Variants in KIAA1217 observed in about 807,000 individuals in gnomAD.
The protein encoded by KIAA1217 is KIAA1217, also known as sickle tail protein homolog.
KIAA1217 carries 88 observed loss-of-function variants against 163.9 expected under a neutral mutation model. The ratio of observed to expected loss-of-function variants is 0.54; its 90% confidence interval spans 0.45 to 0.64. The LOEUF (loss-of-function observed/expected upper bound fraction) is 0.64. KIAA1217 is among the 30% of genes least tolerant of loss of function. The pLI is 0.00. For missense variants in KIAA1217, 2,372 were observed against 2,475.0 expected, an observed-to-expected ratio of 0.96 and a Z score of 0.88; for synonymous variants, 903 against 923.1, an observed-to-expected ratio of 0.98 and a Z score of 0.39.
chr10:24,019,139 T>C (rs79435900), intron 2 of KIAA1217, among the ~76,000 whole-genome samples: 2,060 of 152,202 alleles, frequency 0.014, 40 homozygotes, highest in African/African-American at 0.047. Flanking sequence ...GCATGATGAC[T>C]ATAATTAATG....
intron 1 of KIAA1217, among the ~76,000 whole-genome samples, chr10:23,937,940 C>G (rs547213595): frequency 6.6e-6 from 1 of 152,212 alleles, no homozygotes; most frequent in Admixed American, 6.5e-5. Flanking sequence ...CCAGTCAAAA[C>G]TGAGAGGAAT....
At chr10:24,175,635 G>A (rs759819188) in intron 2 of KIAA1217, among the ~76,000 whole-genome samples, 7 of 152,154 alleles carry the variant, frequency 4.6e-5, no homozygotes, top group East Asian at 1.9e-4. Flanking sequence ...ATGGACCCTC[G>A]CGGTGAGTGT....
intron 3 of KIAA1217, among the ~76,000 whole-genome samples, chr10:24,415,272 G>A (rs2058146134): frequency 1.3e-5 from 2 of 151,812 alleles, no homozygotes; most frequent in Admixed American, 1.3e-4. Context: ...CTGCCACCAT[G>A]CCCGGTTAAT....
chr10:23,990,014 A>C (rs2131434799), intron 1 of KIAA1217, among the ~76,000 whole-genome samples: 1 of 152,316 alleles, frequency 6.6e-6, no homozygotes. Context: ...AAAGAACAGT[A>C]CTATTCTCAC....
At position 23,752,699 on chromosome 10, in the gene KIAA1217, A is replaced by G. The variant is rs565286573; in HGVS notation, c.-321+57465A>G. On this transcript the variant is annotated intron_variant, in intron 1 of 18. Coordinates refer to the KIAA1217 transcript ENST00000376462. ...TGCTTTTTACTCTTGTATCAAAGGC[A>G]TTAGTTATGACATGTTACTAATGAA... is the stretch of plus-strand genomic sequence containing the variant. Among the ~76,000 whole-genome samples the G allele has an allele frequency of 2.6e-5, 4 of 152,330 alleles. No individual in the cohort carries two copies. The South Asian group carries it at 8.3e-4, about 32-fold the overall frequency.
At chr10:24,431,452 A>G (rs1388881248) in intron 3 of KIAA1217, among the ~76,000 whole-genome samples, 1 of 152,136 alleles carries the variant, frequency 6.6e-6, no homozygotes, top group Non-Finnish European at 1.5e-5. Flanking sequence ...TGGAGGGGCC[A>G]TCTCATTTCT....
intron 1 of KIAA1217, among the ~76,000 whole-genome samples, chr10:23,996,365 T>C (rs1230899654): frequency 6.6e-6 from 1 of 152,074 alleles, no homozygotes; most frequent in Non-Finnish European, 1.5e-5. Flanking sequence ...GGATTTATGA[T>C]ATAGGAAGGA....
At position 24,303,059 on chromosome 10, in the gene KIAA1217, G is replaced by A. The variant is rs149465085; in HGVS notation, c.355-77810G>A. 1.5e-3 allele frequency among the ~76,000 whole-genome samples: 229 copies of A among 152,252 alleles called. 1 individual carries two copies. Among genetic ancestry groups the A allele is most frequent in the African/African-American group, 5.2e-3 (214 of 41,540 alleles). On this transcript the variant is annotated intron_variant, in intron 2 of 20. Coordinates refer to ENST00000376454, the MANE Select transcript of KIAA1217 (RefSeq NM_019590.5). ...AATAGGGTCTTGCTCTGTCACCCAG[G>A]CTGGAGTGCAGTGGCTCAATCATAG...
At chr10:24,061,560 T>C (rs2060722392) in intron 2 of KIAA1217, among the ~76,000 whole-genome samples, 1 of 152,226 alleles carries the variant, frequency 6.6e-6, no homozygotes, top group East Asian at 1.9e-4. Context: ...TTAGTATTTC[T>C]TGTAAGGCAG....
chr10:23,948,394 G>T (rs1589129298), intron 1 of KIAA1217, among the ~76,000 whole-genome samples: 1 of 152,134 alleles, frequency 6.6e-6, no homozygotes, highest in African/African-American at 2.4e-5. Flanking sequence ...TTCAAATTTA[G>T]GTTAGATTGA....
intron 2 of KIAA1217, among the ~76,000 whole-genome samples, chr10:24,309,054 C>T (rs1335115594): frequency 7.4e-6 from 1 of 136,016 alleles, no homozygotes; most frequent in Non-Finnish European, 1.5e-5. Context: ...ACCCAGGAGG[C>T]GGAGGTTGCA....
chr10:24,381,682 A>G (rs939294863), intron 3 of KIAA1217, among the ~76,000 whole-genome samples: 3 of 152,120 alleles, frequency 2.0e-5, no homozygotes, highest in Admixed American at 1.3e-4. Flanking sequence ...AAAATTAGGG[A>G]CCAGTGCTCT....
intron 2 of KIAA1217, among the ~76,000 whole-genome samples, chr10:24,125,205 GA>G (rs1447029010): frequency 1.3e-5 from 2 of 152,130 alleles, no homozygotes; most frequent in African/African-American, 4.8e-5. Context: ...CCGGGAGATG[GA>G]GGTTACAGTG....
chr10:24,524,176 G>A (rs968782619), intron 12 of KIAA1217, 147 bp from the exon 13 acceptor site: 3 of 722,146 alleles, frequency 4.2e-6, no homozygotes, highest in Admixed American at 5.4e-5. Flanking sequence ...CCAGCAGAAA[G>A]GGATATGTCT....
intron 3 of KIAA1217, among the ~76,000 whole-genome samples, chr10:24,383,441 G>A (rs2053583477): frequency 2.0e-5 from 3 of 152,244 alleles, no homozygotes; most frequent in African/African-American, 7.2e-5. Context: ...TTGGGGCAGA[G>A]AGGCTGCAGG....
chr10:23,806,049 G>A (rs1281641296), intron 1 of KIAA1217, among the ~76,000 whole-genome samples: 2 of 147,474 alleles, frequency 1.4e-5, no homozygotes, highest in Non-Finnish European at 3.0e-5. Flanking sequence ...AGAGAAAAAG[G>A]TGTATGAATT....
chr10:24,412,961 T>A (rs983815358), intron 3 of KIAA1217, among the ~76,000 whole-genome samples: 1 of 152,248 alleles, frequency 6.6e-6, no homozygotes, highest in Non-Finnish European at 1.5e-5. Flanking sequence ...CCTGTTATGC[T>A]AGTTGCTCTC....
At position 24,020,837 on chromosome 10, in the gene KIAA1217, T is replaced by TAAAAC. The variant is rs553820133; in HGVS notation, c.-171+13486_-171+13490dup. Among the ~76,000 whole-genome samples the TAAAAC allele has an allele frequency of 3.6e-3, 549 of 151,992 alleles. 3 individuals carry two copies. Among genetic ancestry groups the TAAAAC allele is most frequent in the South Asian group, 0.026 (127 of 4,818 alleles). On this transcript the variant is annotated intron_variant, in intron 2 of 18. Coordinates refer to the KIAA1217 transcript ENST00000376462. ...TACAGATTAATTCCTAGCAAGTTCC[T>TAAAAC]AAAACAAAACAAAACAAAACAAAAC...
chr10:24,115,004 C>T (rs2062996357), intron 2 of KIAA1217, among the ~76,000 whole-genome samples: 1 of 152,232 alleles, frequency 6.6e-6, no homozygotes, highest in Non-Finnish European at 1.5e-5. Flanking sequence ...TAAAATGCTA[C>T]CTTTTCAGGA....
Sources: gnomAD v4.1 joint callset for allele counts (sites outside exome capture counted in the v4.1 genomes callset) on GRCh38, gnomAD v4.1.1 for gene constraint, MANE v1.5 for transcripts, NCBI Gene and HGNC (gene_info 2026-07-23, HGNC 2026-07-21) for gene names.